The following SLC7A1 variants were observed in gnomAD, a reference collection of about 807,000 sequenced individuals.
The protein encoded by SLC7A1 is solute carrier family 7 member 1.
A neutral mutation model predicts 53.9 loss-of-function variants in SLC7A1; 10 were observed. The ratio of observed to expected loss-of-function variants is 0.19; its 90% CI spans 0.11 to 0.31. The LOEUF is 0.31. SLC7A1 is among the 10% of genes least tolerant of loss of function. The pLI, the probability that SLC7A1 is intolerant of heterozygous loss-of-function variation, is 1.00. For synonymous variants in SLC7A1, 342 were observed against 338.7 expected, an observed-to-expected ratio of 1.01 and a Z score of -0.11; for missense variants, 525 against 827.2, an observed-to-expected ratio of 0.63 and a Z score of 4.48.
At position 29,523,198 on chromosome 13, in the gene SLC7A1, CCTG is replaced by C. The variant is rs1438594972; in HGVS notation, c.1049+65_1049+67del. 8 of 1,304,480 alleles carry C rather than the reference CCTG, an allele frequency of 6.1e-6. No homozygotes were observed. The African/African-American group carries it at 1.2e-4, about 19-fold the overall frequency. The allele number at this position is 1,304,480 out of a possible 1,614,324, so 80.8% of individuals were successfully genotyped here. ...GTGTGTCTCGCATGGCTGTACCTGG[CCTG>C]CTATAGCCTAACCCCTGCTGGTGGT... On this transcript the variant is annotated intron_variant, in intron 7 of 12. Transcript: ENST00000380752.
At chr13:29,539,289 G>A (rs1869560769) in intron 2 of SLC7A1, among the ~76,000 whole-genome samples, 1 of 152,200 alleles carries the variant, frequency 6.6e-6, no homozygotes, top group Admixed American at 6.5e-5. Context: ...AGTTAACATA[G>A]TTCTGGGCCT....
intron 1 of SLC7A1, among the ~76,000 whole-genome samples, chr13:29,577,868 C>T (rs1212667183): frequency 1.3e-5 from 2 of 152,216 alleles, no homozygotes; most frequent in Non-Finnish European, 2.9e-5. Context: ...CTAGCCCCCG[C>T]GTGCTGGGCA....
chr13:29,525,876 G>A (rs1868864884), intron 5 of SLC7A1, among the ~76,000 whole-genome samples: 1 of 152,244 alleles, frequency 6.6e-6, no homozygotes, highest in South Asian at 2.1e-4. Flanking sequence ...CCGCAGGACA[G>A]CAAAGGGCTG....
In SLC7A1 at chr13:29,523,193, C is replaced by T. The variant is rs553245618; in HGVS notation, c.1049+73G>A. ...CCGATGTGTGTCTCGCATGGCTGTA[C>T]CTGGCCTGCTATAGCCTAACCCCTG... On this transcript the variant is annotated intron_variant, in intron 7 of 12. Coordinates refer to ENST00000380752, the MANE Select transcript of SLC7A1 (RefSeq NM_003045.5). 11,740 of 1,241,386 alleles carry T rather than the reference C, an allele frequency of 9.5e-3. 90 individuals carry two copies. Among genetic ancestry groups the T allele is most frequent in the South Asian group, 0.014 (1,145 of 82,176 alleles). The allele number at this position is 1,241,386 out of a possible 1,614,324, so 76.9% of individuals were successfully genotyped here.
chr13:29,583,668 G>T (rs891327353), intron 1 of SLC7A1, among the ~76,000 whole-genome samples: 1 of 152,140 alleles, frequency 6.6e-6, no homozygotes, highest in African/African-American at 2.4e-5. Flanking sequence ...AACATGAGAC[G>T]GCAATGCCCT....
rs972538773 is a variant in SLC7A1, at chr13:29,514,627, G to A, written c.1787-44C>T. 2.1e-6 allele frequency: 3 copies of A among 1,443,920 alleles called. No homozygotes were observed. The African/African-American group carries it at 4.2e-5, about 20-fold the overall frequency. The allele number at this position is 1,443,920 out of a possible 1,614,324, so 89.4% of individuals were successfully genotyped here. A position where few individuals can be genotyped will look rare whatever the true frequency, so the allele number is the denominator to read the frequency against. ...GACGGGCGTGAACAGACCGCCGGTT[G>A]CACCACCGCAGGCAGGGCTCAGAGC... is the stretch of plus-strand genomic sequence containing the variant. On this transcript the variant is annotated intron_variant, in intron 12 of 12. Coordinates refer to ENST00000380752, the MANE Select transcript of SLC7A1 (RefSeq NM_003045.5).
chr13:29,549,169 G>A (rs142826946), intron 2 of SLC7A1, among the ~76,000 whole-genome samples: 8 of 152,342 alleles, frequency 5.3e-5, no homozygotes, highest in African/African-American at 1.9e-4. Context: ...TCAGAGAGGA[G>A]AATGCAATTC....
At chr13:29,551,056 T>A (rs917510811) in intron 2 of SLC7A1, among the ~76,000 whole-genome samples, 10 of 152,242 alleles carry the variant, frequency 6.6e-5, no homozygotes. Context: ...AAAAATGGCA[T>A]ACATTAAGTA....
intron 1 of SLC7A1, 136 bp downstream of exon 1, chr13:29,595,280 A>C (rs1593590430): frequency 6.6e-6 from 1 of 151,600 alleles, no homozygotes; most frequent in South Asian, 2.1e-4. Context: ...TTCCCAGAGG[A>C]TGGCAGCGTT....
In SLC7A1 at chr13:29,519,485, C is replaced by T. The variant is rs373901134; in HGVS notation, c.1254G>A (p.Leu418=). 6.2e-6 allele frequency: 10 copies of T among 1,613,642 alleles called. No individual in the cohort carries two copies. The highest frequency in any genetic ancestry group is 8.5e-6 in the Non-Finnish European group (10 of 1,179,762). The stretch of plus-strand genomic sequence containing the variant: ...CACAGGCAGCCACCAACGAGTAAGC[C>T]AGGAGAGTGCCAATGGACATGAGGT... ...LVDLMSIGTL[L]AYSLVAACVL... is the part of the protein sequence containing the mutation. The change falls in exon 9 of 13, where the codon CTG becomes CTA. Residue 418 remains leucine, a synonymous_variant. Coordinates refer to ENST00000380752, the MANE Select transcript of SLC7A1 (RefSeq NM_003045.5).
At chr13:29,569,671 T>C (rs1002466539) in intron 1 of SLC7A1, among the ~76,000 whole-genome samples, 2 of 152,184 alleles carry the variant, frequency 1.3e-5, no homozygotes, top group African/African-American at 4.8e-5. Context: ...CAACAACACA[T>C]TGCACTATCA....
chr13:29,528,577 T>A (rs1869006972), intron 5 of SLC7A1, among the ~76,000 whole-genome samples: 1 of 152,076 alleles, frequency 6.6e-6, no homozygotes, highest in African/African-American at 2.4e-5. Flanking sequence ...AGCAATGTCA[T>A]GCAAGACTAC....
At chr13:29,565,984 C>T (rs544665346) in intron 1 of SLC7A1, among the ~76,000 whole-genome samples, 2 of 152,332 alleles carry the variant, frequency 1.3e-5, no homozygotes, top group East Asian at 3.9e-4. Flanking sequence ...TACTAACCCA[C>T]CTCTTTGCTG....
At chr13:29,589,624 G>A (rs1872022012) in intron 1 of SLC7A1, among the ~76,000 whole-genome samples, 1 of 152,186 alleles carries the variant, frequency 6.6e-6, no homozygotes, top group South Asian at 2.1e-4. Context: ...GGGGAGGCAG[G>A]GTGCCCTCCA....
At chr13:29,577,719 A>T (rs1441176228) in intron 1 of SLC7A1, among the ~76,000 whole-genome samples, 1 of 152,202 alleles carries the variant, frequency 6.6e-6, no homozygotes, top group Non-Finnish European at 1.5e-5. Context: ...GGCCAAGATC[A>T]CAAGAAATAA....
At chr13:29,517,117 G>T (rs1365814809) in intron 11 of SLC7A1, 27 bp downstream of exon 11, 1 of 1,563,092 alleles carries the variant, frequency 6.4e-7, no homozygotes, top group East Asian at 2.3e-5. Flanking sequence ...GTGTACCAGG[G>T]TTCCTTCCCT....
At chr13:29,515,131 C>T (rs2139064430) in intron 12 of SLC7A1, among the ~76,000 whole-genome samples, 1 of 152,334 alleles carries the variant, frequency 6.6e-6, no homozygotes, top group South Asian at 2.1e-4. Context: ...ATGCTTCTTA[C>T]CACCTGCCCA....
At chr13:29,564,774 A>C (rs560021308) in intron 1 of SLC7A1, among the ~76,000 whole-genome samples, 2 of 152,376 alleles carry the variant, frequency 1.3e-5, no homozygotes, top group East Asian at 1.9e-4. Context: ...CCAATGCAGA[A>C]AATACTGCTA....
chr13:29,547,590 CAG>C (rs1240048337), intron 2 of SLC7A1, among the ~76,000 whole-genome samples: 1 of 152,266 alleles, frequency 6.6e-6, no homozygotes, highest in East Asian at 1.9e-4. Flanking sequence ...TGTCTCTAGA[CAG>C]AAGATTATGA....
Sources: allele counts gnomAD v4.1 joint callset (sites outside exome capture counted in the v4.1 genomes callset), GRCh38; gene constraint gnomAD v4.1.1; transcripts MANE v1.5; gene names NCBI Gene and HGNC (gene_info 2026-07-23, HGNC 2026-07-21).